Variants in SCN1A observed in about 807,000 individuals in gnomAD.
The protein encoded by SCN1A is sodium channel protein type 1 subunit alpha.
A neutral mutation model predicts 193.7 loss-of-function variants in SCN1A; 13 were observed. The ratio of observed to expected loss-of-function variants is 0.07; its 90% CI spans 0.04 to 0.11. The LOEUF (loss-of-function observed/expected upper bound fraction) is 0.11. Ranked by LOEUF, SCN1A falls within the 10% of genes least tolerant of loss-of-function variation. The probability of loss-of-function intolerance (pLI) is 1.00; values close to 1 mark genes in which losing one functional copy is unlikely to be tolerated. For synonymous variants in SCN1A, 781 were observed against 843.6 expected, an observed-to-expected ratio of 0.93 and a Z score of 1.29; for missense variants, 1,432 against 2,451.1, an observed-to-expected ratio of 0.58 and a Z score of 8.78.
At position 165,998,053 on chromosome 2, in the gene SCN1A, G is replaced by T; in HGVS notation, c.4461C>A (p.Asn1487Lys). Residue 1487 changes from asparagine to lysine, a missense_variant, in exon 26 of 29, where the codon AAC (asparagine) becomes AAA (lysine). Coordinates refer to ENST00000674923, the MANE Select transcript of SCN1A (RefSeq NM_001165963.4). ...AAATACTTATCTTCTTTTTCTGCTG[G>T]TTGAAATTATCTATGATGACACCAA... ...LFIGVIIDNF[N>K]QQKKKFGGQD... 1.9e-6 allele frequency: 3 copies of T among 1,603,420 alleles called. No homozygotes were observed. The highest frequency in any genetic ancestry group is 2.6e-6 in the Non-Finnish European group (3 of 1,172,208).
chr2:166,102,515 G>GA (rs1468578420), intron 2 of SCN1A, among the ~76,000 whole-genome samples: 2 of 88,544 alleles, frequency 2.3e-5, no homozygotes, highest in Non-Finnish European at 5.5e-5. Context: ...AAAAAAAAAA[G>GA]AAAAAAAAGA....
chr2:166,134,620 A>C lies in SCN1A; in HGVS notation c.-50+14427T>G, dbSNP rs997557229. Among the ~76,000 whole-genome samples the C allele has an allele frequency of 2.0e-5, 3 of 152,342 alleles. 1 individual carries two copies. The East Asian group carries it at 5.8e-4, about 29-fold the overall frequency. On this transcript the variant is annotated intron_variant, in intron 1 of 26. Transcript: ENST00000635750. ...TGGGTATGCAGAGTGTAGCATTGAC[A>C]GCTTTCAGGAATGCAGGCCCAAAGA...
intron 4 of SCN1A, among the ~76,000 whole-genome samples, chr2:166,066,772 C>G (rs1290407823): frequency 6.6e-6 from 1 of 152,144 alleles, no homozygotes; most frequent in African/African-American, 2.4e-5. Flanking sequence ...AAGTATAAAA[C>G]TCCTAAATTT....
chr2:166,078,416 A>G (rs1163521131), intron 2 of SCN1A, among the ~76,000 whole-genome samples: 3 of 147,136 alleles, frequency 2.0e-5, no homozygotes, highest in African/African-American at 8.1e-5. Context: ...TTCTAAATAG[A>G]TTATTTTTAC....
At chr2:166,036,589 C>G (rs1285230087) in intron 18 of SCN1A, 59 bp from the exon 19 acceptor site, 2 of 1,533,892 alleles carry the variant, frequency 1.3e-6, no homozygotes, top group Non-Finnish European at 1.8e-6. Context: ...GAGCAGATTA[C>G]AATCACTTAT....
At chr2:166,069,599 C>T (rs1461169875) in intron 4 of SCN1A, among the ~76,000 whole-genome samples, 1 of 152,154 alleles carries the variant, frequency 6.6e-6, no homozygotes, top group East Asian at 1.9e-4. Flanking sequence ...ACATAAATTC[C>T]TTGCATGTAC....
At chr2:166,101,716 A>G (rs1453153492) in intron 2 of SCN1A, among the ~76,000 whole-genome samples, 2 of 152,158 alleles carry the variant, frequency 1.3e-5, no homozygotes, top group Non-Finnish European at 1.5e-5. Context: ...TTCACCATAT[A>G]CAAAAATCAG....
At chr2:166,086,649 A>G (rs1379155944) in intron 2 of SCN1A, among the ~76,000 whole-genome samples, 1 of 152,148 alleles carries the variant, frequency 6.6e-6, no homozygotes, top group Non-Finnish European at 1.5e-5. Flanking sequence ...GTCACTCTGC[A>G]GGCTGCAGCC....
In SCN1A at chr2:165,987,270, T is replaced by C. The variant is rs1283992610; in HGVS notation, c.*3975A>G. ...TTATCAGGAGGCACATAGTATCAGTTGGTCTCATAATTGATGATATCTTTG... is the reference window on the plus strand; with the variant it reads ...TTATCAGGAGGCACATAGTATCAGTCGGTCTCATAATTGATGATATCTTTG... On this transcript the variant is annotated 3_prime_UTR_variant, in exon 29 of 29. Coordinates refer to ENST00000674923, the MANE Select transcript of SCN1A (RefSeq NM_001165963.4). The C allele has an allele frequency of 6.6e-6, 1 of 152,206 alleles. No homozygotes were observed. Among genetic ancestry groups the C allele is most frequent in the Non-Finnish European group, 1.5e-5 (1 of 68,030 alleles). 9.4% of individuals were successfully genotyped at this position (152,206 alleles called of 1,614,324 possible). A position where few individuals can be genotyped will look rare whatever the true frequency, so the allele number is the denominator to read the frequency against.
intron 2 of SCN1A, among the ~76,000 whole-genome samples, chr2:166,093,865 G>A (rs1232692479): frequency 6.6e-6 from 1 of 152,178 alleles, no homozygotes; most frequent in South Asian, 2.1e-4. Flanking sequence ...GGAAGTTTGA[G>A]ATTTAAATCC....
intron 1 of SCN1A, among the ~76,000 whole-genome samples, chr2:166,145,618 T>A (rs1179273741): frequency 6.6e-6 from 1 of 152,050 alleles, no homozygotes; most frequent in African/African-American, 2.4e-5. Flanking sequence ...ATGTCTGTAC[T>A]AAATTGCCAA....
chr2:166,021,294 C>A (rs1694026879), intron 19 of SCN1A, among the ~76,000 whole-genome samples: 1 of 151,988 alleles, frequency 6.6e-6, no homozygotes, highest in African/African-American at 2.4e-5. Context: ...ACTATGATAA[C>A]CTGAGAGAAG....
rs1689074590 is a variant in SCN1A, at chr2:165,991,193, C to A, written c.*52G>T. ...GAGTCCTGTTGATAAAAATACATCACCTTCACAGGCTGTAAACAATTTGTC... is the reference window on the plus strand; with the variant it reads ...GAGTCCTGTTGATAAAAATACATCAACTTCACAGGCTGTAAACAATTTGTC... On this transcript the variant is annotated 3_prime_UTR_variant, in exon 29 of 29. Coordinates refer to ENST00000674923, the MANE Select transcript of SCN1A (RefSeq NM_001165963.4). 8.0e-6 allele frequency: 12 copies of A among 1,496,234 alleles called. No individual in the cohort carries two copies. The highest frequency in any genetic ancestry group is 1.9e-5 in the Admixed American group (1 of 51,542). 92.7% of individuals were successfully genotyped at this position (1,496,234 alleles called of 1,614,324 possible).
chr2:166,033,527 A>G (rs780199285), intron 19 of SCN1A, among the ~76,000 whole-genome samples: 2 of 152,140 alleles, frequency 1.3e-5, no homozygotes, highest in Admixed American at 6.6e-5. Context: ...AAACTGGCCT[A>G]TTAAAGGGAT....
At position 165,988,812 on chromosome 2, in the gene SCN1A, T is replaced by A. The variant is rs1049260614; in HGVS notation, c.*2433A>T. 2.0e-5 allele frequency: 3 copies of A among 152,090 alleles called. No individual in the cohort carries two copies. The highest frequency in any genetic ancestry group is 7.2e-5 in the African/African-American group (3 of 41,414). The allele number at this position is 152,090 out of a possible 1,614,324, so 9.4% of individuals were successfully genotyped here. A position where few individuals can be genotyped will look rare whatever the true frequency, so the allele number is the denominator to read the frequency against. On this transcript the variant is annotated 3_prime_UTR_variant, in exon 29 of 29. Transcript: ENST00000674923. The stretch of plus-strand genomic sequence containing the variant: ...CACATGGCAATTCTAAATTTTTAAA[T>A]GATGATTTAAGGGTTTCTTTTCATA...
chr2:166,035,448 A>T (rs992850662), intron 19 of SCN1A, among the ~76,000 whole-genome samples: 3 of 152,158 alleles, frequency 2.0e-5, no homozygotes, highest in Non-Finnish European at 4.4e-5. Flanking sequence ...ATTTTACATG[A>T]TGTCAAAAAA....
At chr2:166,121,154 G>A (rs1246021685) in intron 2 of SCN1A, among the ~76,000 whole-genome samples, 3 of 149,498 alleles carry the variant, frequency 2.0e-5, no homozygotes, top group East Asian at 2.0e-4. Flanking sequence ...GAAAGACAAA[G>A]AGCCTGAAAG....
rs1275890918 is a variant in SCN1A, at chr2:166,051,764, C to T, written c.919G>A (p.Glu307Lys). The change falls in exon 9 of 29, where the codon GAA (glutamate) becomes AAA (lysine). Residue 307 changes from glutamate (E) to lysine (K), a missense_variant. Glu to Lys is a moderately conservative substitution (Grantham distance 56). Around this residue, in one of 18 missense-constraint regions of SCN1A, gnomAD observed 52 missense variants for 59.6 expected, o/e 0.87. Coordinates refer to ENST00000674923, the MANE Select transcript of SCN1A (RefSeq NM_001165963.4). ...TVNYNGTLINETVFEFDWKSY... is the reference protein window; with the variant it reads ...TVNYNGTLINKTVFEFDWKSY... Reference sequence around the variant, plus strand: ...TTCCAGTCAAACTCAAAGACAGTTTCATTTATAAGTGTACCATTATAATTC... The same window carrying T: ...TTCCAGTCAAACTCAAAGACAGTTTTATTTATAAGTGTACCATTATAATTC... 1.8e-5 allele frequency: 29 copies of T among 1,608,404 alleles called. No individual in the cohort carries two copies. Among genetic ancestry groups the T allele is most frequent in the African/African-American group, 2.7e-5 (2 of 74,722 alleles).
chr2:166,109,976 G>A (rs1216661407), intron 2 of SCN1A, among the ~76,000 whole-genome samples: 1 of 152,076 alleles, frequency 6.6e-6, no homozygotes, highest in Admixed American at 6.6e-5. Context: ...AGTTATCACA[G>A]TCAACAATAA....
Sources: gnomAD v4.1 joint callset for allele counts (sites outside exome capture counted in the v4.1 genomes callset) on GRCh38, gnomAD v4.1.1 for gene constraint, gnomAD v4.1.1 regional missense constraint, MANE v1.5 for transcripts, NCBI Gene and HGNC (gene_info 2026-07-23, HGNC 2026-07-21) for gene names.